The following CADPS variants were observed in gnomAD, a reference collection of about 807,000 sequenced individuals.
CADPS encodes the protein calcium-dependent secretion activator 1.
A neutral mutation model predicts 167.3 loss-of-function variants in CADPS; 57 were observed. The observed-to-expected ratio is 0.34, with a 90% CI of 0.28 to 0.42. CADPS has a LOEUF of 0.42. Ranked by LOEUF, CADPS falls within the 20% of genes least tolerant of loss-of-function variation. The pLI is 1.00. For missense variants in CADPS, 1,414 were observed against 1,738.1 expected (o/e 0.81, Z 3.32); for synonymous variants, 676 against 635.3 (o/e 1.06, Z -0.96).
intron 3 of CADPS, among the ~76,000 whole-genome samples, chr3:62,726,684 T>C (rs2076808081): frequency 6.6e-6 from 1 of 151,970 alleles, no homozygotes; most frequent in Non-Finnish European, 1.5e-5. Flanking sequence ...GATCAATTGC[T>C]AATAATAATA....
chr3:62,405,990 G>T (rs527739397), intron 28 of CADPS, among the ~76,000 whole-genome samples: 11 of 152,256 alleles, frequency 7.2e-5, no homozygotes, highest in African/African-American at 2.6e-4. Context: ...GGAAACAAAG[G>T]CCCAGAGAGG....
rs554899323 is a variant in CADPS, at chr3:62,458,631, GGCA to G, written c.3636+6733_3636+6735del. On this transcript the variant is annotated intron_variant, in intron 26 of 29. Transcript: ENST00000383710. This position sits in a 1 kb window ranked among gnomAD's most constrained non-coding sequence, Gnocchi z 4.6. Reference sequence around the variant, plus strand: ...AGCCTCTCAAGCAGTTGGGATTACAGGCACCTGCCACCATGCCTGGCTAATTTT... The same window carrying G: ...AGCCTCTCAAGCAGTTGGGATTACAGCCTGCCACCATGCCTGGCTAATTTT... Among the ~76,000 whole-genome samples, 13 of 152,260 alleles carry G rather than the reference GGCA, an allele frequency of 8.5e-5. No individual in the cohort carries two copies. In the South Asian group the frequency reaches 2.7e-3, roughly 32 times the overall value.
At chr3:62,693,929 C>G (rs1327002774) in intron 3 of CADPS, among the ~76,000 whole-genome samples, 1 of 152,044 alleles carries the variant, frequency 6.6e-6, no homozygotes, top group Non-Finnish European at 1.5e-5. Flanking sequence ...CATTTGTGTT[C>G]TGCATGAAGG....
At chr3:62,679,251 C>T (rs747981450) in intron 3 of CADPS, among the ~76,000 whole-genome samples, 6 of 152,038 alleles carry the variant, frequency 3.9e-5, no homozygotes, top group Non-Finnish European at 5.9e-5. Flanking sequence ...ATTTCTACTG[C>T]CACTATTTGA....
At chr3:62,571,017 G>C (rs546225655) in intron 8 of CADPS, 79 bp from the exon 9 acceptor site, 4 of 975,916 alleles carry the variant, frequency 4.1e-6, no homozygotes, top group South Asian at 2.7e-5. Flanking sequence ...CGTGAAGCTT[G>C]GTACTTATAA....
At chr3:62,536,170 C>T in intron 12 of CADPS, 1 of 321,090 alleles carries the variant, frequency 3.1e-6, no homozygotes, top group East Asian at 5.2e-5. Flanking sequence ...AACTCGATTA[C>T]CCTCTTGGGA....
chr3:62,731,835 A>ATAAG (rs568495417), intron 3 of CADPS, among the ~76,000 whole-genome samples: 3 of 110,276 alleles, frequency 2.7e-5, no homozygotes, highest in East Asian at 2.2e-4. Context: ...AAAAAAGTAA[A>ATAAG]GAAGGAAGAA....
intron 3 of CADPS, among the ~76,000 whole-genome samples, chr3:62,710,459 G>A (rs1273978305): frequency 1.3e-5 from 2 of 151,824 alleles, no homozygotes; most frequent in Non-Finnish European, 2.9e-5. Flanking sequence ...CATGCTTCAC[G>A]TTCCTCATAA....
At chr3:62,853,065 G>A (rs2078947760) in intron 1 of CADPS, among the ~76,000 whole-genome samples, 1 of 152,152 alleles carries the variant, frequency 6.6e-6, no homozygotes, top group Admixed American at 6.5e-5. Flanking sequence ...TGGCTCAAAT[G>A]CTTTATCTTG....
chr3:62,483,007 C>T (rs940439066), intron 21 of CADPS, among the ~76,000 whole-genome samples: 23 of 152,026 alleles, frequency 1.5e-4, no homozygotes, highest in Admixed American at 1.2e-3. Flanking sequence ...TTTGGAAGGA[C>T]GGTGTCATAC....
At chr3:62,744,905 T>C (rs1461981110) in intron 3 of CADPS, among the ~76,000 whole-genome samples, 2 of 152,180 alleles carry the variant, frequency 1.3e-5, no homozygotes, top group African/African-American at 4.8e-5. Context: ...GCAGGTGCAG[T>C]CAGATAGAAA....
chr3:62,615,854 C>G (rs1056885761), intron 6 of CADPS, among the ~76,000 whole-genome samples: 5 of 152,156 alleles, frequency 3.3e-5, no homozygotes, highest in Non-Finnish European at 4.4e-5. Context: ...GTTTTGAACT[C>G]TCCTCTTATA....
rs553580330 is a variant in CADPS at position 62,720,819 on chromosome 3, T to G, written c.888+32622A>C. On this transcript the variant is annotated intron_variant, in intron 3 of 29. Transcript: ENST00000383710. ...TTGTCCATTATATTGTTAGTTTTTTTTTTTTTTTTTCTTTTTGAGGCAGAG... is the reference window on the plus strand; with the variant it reads ...TTGTCCATTATATTGTTAGTTTTTTGTTTTTTTTTTCTTTTTGAGGCAGAG... Among the ~76,000 whole-genome samples the G allele has an allele frequency of 9.2e-5, 14 of 151,540 alleles. No individual in the cohort carries two copies. In the East Asian group the frequency reaches 1.9e-3, roughly 21 times the overall value.
In CADPS at chr3:62,673,205, T is replaced by C. The variant is rs564203924; in HGVS notation, c.889-10811A>G. On this transcript the variant is annotated intron_variant, in intron 3 of 29. Transcript: ENST00000383710. ...GTAAGAAATATTTGCAGAGTTAAAT[T>C]TGAGATAGAGATAATAACATCTATG... 5.3e-5 allele frequency among the ~76,000 whole-genome samples: 8 copies of C among 152,294 alleles called. No homozygotes were observed. The South Asian group carries it at 1.7e-3, about 32-fold the overall frequency.
At chr3:62,503,449 A>G (rs918429542) in intron 17 of CADPS, among the ~76,000 whole-genome samples, 1 of 152,234 alleles carries the variant, frequency 6.6e-6, no homozygotes, top group African/African-American at 2.4e-5. Flanking sequence ...AGATGCCTAC[A>G]CATGTTTATT....
intron 12 of CADPS, among the ~76,000 whole-genome samples, chr3:62,535,230 C>A (rs77274776): frequency 2.0e-5 from 3 of 148,256 alleles, no homozygotes; most frequent in Non-Finnish European, 3.0e-5. Flanking sequence ...TTTTCTTTTT[C>A]TTTTTCTTTT....
intron 17 of CADPS, among the ~76,000 whole-genome samples, chr3:62,505,763 C>T (rs1279037155): frequency 1.3e-5 from 2 of 152,108 alleles, no homozygotes; most frequent in Non-Finnish European, 2.9e-5. Flanking sequence ...GCACTTCTGG[C>T]CCTGGATAAT....
In CADPS at chr3:62,513,481, G is replaced by T. The variant is rs1466198080; in HGVS notation, c.2582-713C>A. Among the ~76,000 whole-genome samples the T allele has an allele frequency of 2.0e-5, 3 of 151,872 alleles. No individual in the cohort carries two copies. In the East Asian group the frequency reaches 5.8e-4, roughly 29 times the overall value. ...GTTTTAGGCTGATAAAAAGTGACTG[G>T]ACTTCTCACACTGGGTTTCACAGAC... On this transcript the variant is annotated intron_variant, in intron 16 of 29. Transcript: ENST00000383710.
intron 6 of CADPS, among the ~76,000 whole-genome samples, chr3:62,623,174 C>T (rs1308727808): frequency 6.6e-6 from 1 of 152,140 alleles, no homozygotes. Flanking sequence ...GTAAGTCCCA[C>T]ATGTGAGGTG....
Sources: gnomAD v4.1 joint callset for allele counts (sites outside exome capture counted in the v4.1 genomes callset) on GRCh38, gnomAD v4.1.1 for gene constraint, Gnocchi (gnomAD v3.1) non-coding constraint, MANE v1.5 for transcripts, NCBI Gene and HGNC (gene_info 2026-07-23, HGNC 2026-07-21) for gene names.